The following DERA variants were observed in gnomAD, a reference collection of about 807,000 sequenced individuals.
DERA encodes deoxyribose-phosphate aldolase.
DERA carries 15 observed loss-of-function variants against 41.1 expected under a neutral mutation model. That is an observed-to-expected ratio of 0.37 (90% CI 0.24 to 0.56). The LOEUF is 0.56. Ranked by LOEUF, DERA falls within the 20% of genes least tolerant of loss-of-function variation. The probability of loss-of-function intolerance (pLI) is 0.81; values close to 1 mark genes in which losing one functional copy is unlikely to be tolerated. For missense variants in DERA, 396 were observed against 403.4 expected (o/e 0.98, Z 0.16); for synonymous variants, 139 against 137.4 (o/e 1.01, Z -0.08).
At chr12:15,934,511 G>T (rs1948351685) in intron 1 of DERA, among the ~76,000 whole-genome samples, 1 of 151,892 alleles carries the variant, frequency 6.6e-6, no homozygotes, top group South Asian at 2.1e-4. Context: ...GCTTGAACCT[G>T]GGAGGAGGAG....
chr12:15,961,092 C>A (rs1269764580), intron 4 of DERA, among the ~76,000 whole-genome samples: 2 of 152,132 alleles, frequency 1.3e-5, no homozygotes, highest in Admixed American at 1.3e-4. Context: ...TAGTAAGTTA[C>A]CTGATGGTAC....
rs557256489 is a variant in DERA at position 15,948,750 on chromosome 12, G to A, written c.32-8186G>A. 8.1e-4 allele frequency among the ~76,000 whole-genome samples: 124 copies of A among 152,354 alleles called. 1 individual carries two copies. Among genetic ancestry groups the A allele is most frequent in the Admixed American group, 2.0e-4 (3 of 15,310 alleles). ...TGTTCTGTTGCTGGCGAGAAGCTGC[G>A]TTCCTTTGGACGGGGAGAGGCACTC... On this transcript the variant is annotated intron_variant, in intron 1 of 8. Transcript: ENST00000428559.
intron 5 of DERA, among the ~76,000 whole-genome samples, chr12:15,980,979 G>C (rs989040767): frequency 6.6e-6 from 1 of 152,072 alleles, no homozygotes; most frequent in Non-Finnish European, 1.5e-5. Context: ...TCTCATTTTA[G>C]CTTTAAGAAA....
intron 6 of DERA, among the ~76,000 whole-genome samples, chr12:16,002,612 C>T (rs1948883258): frequency 1.3e-5 from 2 of 152,192 alleles, no homozygotes; most frequent in Admixed American, 1.3e-4. Flanking sequence ...GTGGTAAGAA[C>T]CACACAAATC....
chr12:16,020,092 A>G lies in DERA; in HGVS notation c.638-12450A>G, dbSNP rs1368149825. Among the ~76,000 whole-genome samples the G allele has an allele frequency of 2.8e-4, 42 of 152,160 alleles. No homozygotes were observed. ...TAAGCCTCCCAGGAGCCTCTCTAGG[A>G]GCAGATCCAAGCACCACACTTACTG... On this transcript the variant is annotated intron_variant, in intron 6 of 8. Coordinates refer to ENST00000428559, the MANE Select transcript of DERA (RefSeq NM_015954.4). The surrounding 1 kb of genome is among the most constrained non-coding windows in gnomAD (Gnocchi z 5.5).
chr12:15,952,370 C>T (rs958682950), intron 1 of DERA, among the ~76,000 whole-genome samples: 8 of 152,086 alleles, frequency 5.3e-5, no homozygotes, highest in African/African-American at 1.9e-4. Context: ...ATTCTGTGTA[C>T]TGATTACTTT....
intron 6 of DERA, among the ~76,000 whole-genome samples, chr12:16,024,820 AT>A (rs1949042641): frequency 6.6e-6 from 1 of 152,164 alleles, no homozygotes; most frequent in East Asian, 1.9e-4. Flanking sequence ...ATAAAAATAA[AT>A]TTTTAACTGA....
rs528253658 is a variant in DERA, at chr12:16,016,118, C to A, written c.638-16424C>A. 5.3e-5 allele frequency among the ~76,000 whole-genome samples: 8 copies of A among 152,270 alleles called. No individual in the cohort carries two copies. In the South Asian group the frequency reaches 1.7e-3, roughly 32 times the overall value. Reference sequence around the variant, plus strand: ...CATGACTTTGTGGAATCATAGTCTGCAGATTTAGTATTAGTATCAAATTGA... The same window carrying A: ...CATGACTTTGTGGAATCATAGTCTGAAGATTTAGTATTAGTATCAAATTGA... On this transcript the variant is annotated intron_variant, in intron 6 of 8. Transcript: ENST00000428559.
At chr12:15,949,576 G>A (rs1182081642) in intron 1 of DERA, among the ~76,000 whole-genome samples, 2 of 152,160 alleles carry the variant, frequency 1.3e-5, no homozygotes, top group East Asian at 1.9e-4. Flanking sequence ...GGAGTGACCC[G>A]ATTTTCCAGG....
chr12:15,962,941 TG>T lies in DERA; in HGVS notation c.505del (p.Glu169LysfsTer23). The T allele has an allele frequency of 6.2e-7, 1 of 1,606,224 alleles. No individual in the cohort carries two copies. Among genetic ancestry groups the T allele is most frequent in the Non-Finnish European group, 8.5e-7 (1 of 1,176,434 alleles). On this transcript the variant is annotated frameshift_variant, in exon 5 of 9. Transcript: ENST00000428559. LOFTEE classifies it high-confidence loss of function. The stretch of plus-strand genomic sequence containing the variant: ...CAGAAGCTTGGTGCTGACAGGCCAG[TG>T]GGAAGGTAGGTGCATGCTTTTACCT... Reference protein sequence around the residue: ...INRSLVLTGQWEALYDEIRQF... With the variant: ...INRSLVLTGQXEALYDEIRQF...
In DERA at chr12:16,000,061, CG is replaced by C. The variant is rs779114599; in HGVS notation, c.637+17631del. Among the ~76,000 whole-genome samples the C allele has an allele frequency of 3.5e-4, 53 of 151,994 alleles. 2 individuals are homozygous for C. Among genetic ancestry groups the C allele is most frequent in the Admixed American group, 2.6e-3 (39 of 15,244 alleles). ...CAGAGTAGATGCCTGTGGGACATATCGGGGGGCAAATTTGATTGTGCTTGGT... is the reference window on the plus strand; with the variant it reads ...CAGAGTAGATGCCTGTGGGACATATCGGGGGCAAATTTGATTGTGCTTGGT... On this transcript the variant is annotated intron_variant, in intron 6 of 8. Coordinates refer to ENST00000428559, the MANE Select transcript of DERA (RefSeq NM_015954.4). This position sits in a 1 kb window ranked among gnomAD's most constrained non-coding sequence, Gnocchi z 4.8.
rs538416026 is a variant in DERA, at chr12:15,957,839, C to T, written c.130-349C>T. On this transcript the variant is annotated intron_variant, in intron 2 of 8. Coordinates refer to ENST00000428559, the MANE Select transcript of DERA (RefSeq NM_015954.4). This position sits in a 1 kb window ranked among gnomAD's most constrained non-coding sequence, Gnocchi z 4.8. Reference sequence around the variant, plus strand: ...AAAATGTAAGGTAGAAACCTTCTTTCGGAGTTCTTCTTTGTCAGGGTGGCT... The same window carrying T: ...AAAATGTAAGGTAGAAACCTTCTTTTGGAGTTCTTCTTTGTCAGGGTGGCT... 1.3e-5 allele frequency among the ~76,000 whole-genome samples: 2 copies of T among 152,240 alleles called. No individual in the cohort carries two copies. Among genetic ancestry groups the T allele is most frequent in the South Asian group, 4.1e-4 (2 of 4,826 alleles).
Position 15,988,819 on chromosome 12 carries a change from C to T in DERA, c.637+6383C>T, listed in dbSNP as rs996717078. On this transcript the variant is annotated intron_variant, in intron 6 of 8. Transcript: ENST00000428559. This position sits in a 1 kb window ranked among gnomAD's most constrained non-coding sequence, Gnocchi z 6.0. The stretch of plus-strand genomic sequence containing the variant: ...CACCCAGGCTATTCACACTGAGGGG[C>T]GCCTGCAGACCCACACCAAGCTGCC... 3.9e-5 allele frequency among the ~76,000 whole-genome samples: 6 copies of T among 152,120 alleles called. No individual in the cohort carries two copies. The highest frequency in any genetic ancestry group is 5.9e-5 in the Non-Finnish European group (4 of 68,016).
rs1948871301 is a variant in DERA, at chr12:16,001,009, A to G, written c.637+18573A>G. On this transcript the variant is annotated intron_variant, in intron 6 of 8. Transcript: ENST00000428559. The surrounding 1 kb of genome is among the most constrained non-coding windows in gnomAD (Gnocchi z 4.1). ...CTTAAAAGTGCTCTGAGACATTTTC[A>G]TTATTGTCAGTATTTTCTAAATTGA... is the stretch of plus-strand genomic sequence containing the variant. Among the ~76,000 whole-genome samples the G allele has an allele frequency of 1.3e-5, 2 of 152,190 alleles. No individual in the cohort carries two copies. The highest frequency in any genetic ancestry group is 4.1e-4 in the South Asian group (2 of 4,838).
Position 15,999,218 on chromosome 12 carries a change from G to A in DERA, c.637+16782G>A, listed in dbSNP as rs955172664. 3.9e-5 allele frequency among the ~76,000 whole-genome samples: 6 copies of A among 152,138 alleles called. No individual in the cohort carries two copies. The highest frequency in any genetic ancestry group is 1.4e-4 in the African/African-American group (6 of 41,420). The stretch of plus-strand genomic sequence containing the variant: ...CTGGGGATATTTCTTTCCCTCGAAT[G>A]GGTTCATCCAAATATTTGATGAAGG... On this transcript the variant is annotated intron_variant, in intron 6 of 8. Transcript: ENST00000428559. This position sits in a 1 kb window ranked among gnomAD's most constrained non-coding sequence, Gnocchi z 5.3.
chr12:16,015,607 G>A (rs768782401), intron 6 of DERA, among the ~76,000 whole-genome samples: 3 of 152,102 alleles, frequency 2.0e-5, no homozygotes, highest in African/African-American at 4.8e-5. Context: ...GTATGAAAAC[G>A]GACTAATACA....
chr12:15,928,771 G>A lies in DERA; in HGVS notation c.31+17357G>A, dbSNP rs1948305894. Among the ~76,000 whole-genome samples, 1 of 152,208 alleles carries A rather than the reference G, an allele frequency of 6.6e-6. No individual in the cohort carries two copies. Among genetic ancestry groups the A allele is most frequent in the Non-Finnish European group, 1.5e-5 (1 of 68,040 alleles). On this transcript the variant is annotated intron_variant, in intron 1 of 8. Coordinates refer to ENST00000428559, the MANE Select transcript of DERA (RefSeq NM_015954.4). The surrounding 1 kb of genome is among the most constrained non-coding windows in gnomAD (Gnocchi z 4.6). ...CTTTTTCCTGGGAAAGGTAAGTTTG[G>A]TTGGTACCAAGGAATGACCCTTTAT...
chr12:15,948,064 A>C (rs2136140736), intron 1 of DERA, among the ~76,000 whole-genome samples: 1 of 152,338 alleles, frequency 6.6e-6, no homozygotes, highest in Non-Finnish European at 1.5e-5. Flanking sequence ...GTTTCTGCTG[A>C]GAGATCAACT....
intron 1 of DERA, chr12:15,916,075 G>T (rs957194044): frequency 6.6e-6 from 1 of 152,142 alleles, no homozygotes; most frequent in Non-Finnish European, 1.5e-5. Context: ...AAACATAAAG[G>T]TTACTGTTTT....
Sources: allele counts gnomAD v4.1 joint callset (sites outside exome capture counted in the v4.1 genomes callset), GRCh38; gene constraint gnomAD v4.1.1; non-coding constraint Gnocchi (gnomAD v3.1); transcripts MANE v1.5; gene names NCBI Gene and HGNC (gene_info 2026-07-23, HGNC 2026-07-21).